The following MEI4 variants were observed in gnomAD, a reference collection of about 807,000 sequenced individuals.
The protein encoded by MEI4 is meiotic double-stranded break formation protein 4, also known as meiosis-specific protein MEI4.
In MEI4, 27 loss-of-function variants were observed where a neutral mutation model predicts 31.4. That is an observed-to-expected ratio of 0.86 (90% confidence interval 0.63 to 1.19). The LOEUF is 1.19. Ranked by LOEUF, MEI4 falls within the 50% of genes most tolerant of loss-of-function variation. The probability of loss-of-function intolerance (pLI) is 0.00; values close to 1 mark genes in which losing one functional copy is unlikely to be tolerated. For missense variants in MEI4, 329 were observed against 398.9 expected (o/e 0.82, Z 1.49); for synonymous variants, 122 against 145.4 (o/e 0.84, Z 1.16).
intron 2 of MEI4, among the ~76,000 whole-genome samples, chr6:77,753,463 A>G (rs1159860047): frequency 6.6e-6 from 1 of 152,232 alleles, no homozygotes; most frequent in Non-Finnish European, 1.5e-5. Flanking sequence ...CACTTCTCAA[A>G]AGAAGGCATT....
At chr6:77,716,324 A>G (rs186908269) in intron 2 of MEI4, among the ~76,000 whole-genome samples, 8 of 152,364 alleles carry the variant, frequency 5.3e-5, no homozygotes, top group East Asian at 1.9e-4. Flanking sequence ...TTGAGAGGTA[A>G]GAGAATATTC....
chr6:77,758,188 G>T (rs550569942), intron 2 of MEI4, among the ~76,000 whole-genome samples: 1 of 149,724 alleles, frequency 6.7e-6, no homozygotes, highest in Non-Finnish European at 1.5e-5. Flanking sequence ...GAAAGAAATA[G>T]CCACATGCAG....
At chr6:77,739,925 A>G (rs1191612343) in intron 2 of MEI4, among the ~76,000 whole-genome samples, 1 of 151,928 alleles carries the variant, frequency 6.6e-6, no homozygotes. Flanking sequence ...TAACTTTCTG[A>G]TGTGGATGTT....
chr6:77,775,520 C>A (rs1409450284), intron 3 of MEI4, among the ~76,000 whole-genome samples: 3 of 152,162 alleles, frequency 2.0e-5, no homozygotes, highest in Admixed American at 6.6e-5. Context: ...TATTTCATTC[C>A]TTTTTATGGC....
chr6:77,661,368 T>C (rs1036272625), intron 1 of MEI4, among the ~76,000 whole-genome samples: 6 of 152,154 alleles, frequency 3.9e-5, no homozygotes, highest in African/African-American at 1.2e-4. Context: ...CGAGGAATTA[T>C]GTCTGACAGA....
intron 3 of MEI4, among the ~76,000 whole-genome samples, chr6:77,791,258 A>G (rs1411741185): frequency 1.3e-5 from 2 of 152,170 alleles, no homozygotes; most frequent in Non-Finnish European, 2.9e-5. Context: ...ATTATTCACG[A>G]TAGCAAAGAC....
At chr6:77,661,931 A>G (rs1768518471) in intron 1 of MEI4, among the ~76,000 whole-genome samples, 1 of 152,158 alleles carries the variant, frequency 6.6e-6, no homozygotes, top group Non-Finnish European at 1.5e-5. Flanking sequence ...GCCTAGAGCA[A>G]TGGGATCTGA....
At chr6:77,807,613 C>A (rs1472341517) in intron 3 of MEI4, among the ~76,000 whole-genome samples, 1 of 152,098 alleles carries the variant, frequency 6.6e-6, no homozygotes, top group African/African-American at 2.4e-5. Flanking sequence ...AATCTCACTG[C>A]AGATATAGGT....
chr6:77,793,163 T>G (rs1768984270), intron 3 of MEI4, among the ~76,000 whole-genome samples: 1 of 152,138 alleles, frequency 6.6e-6, no homozygotes, highest in African/African-American at 2.4e-5. Context: ...AAAGGGAGAC[T>G]AATCACATAC....
At chr6:77,714,335 TTTA>T (rs1370409655) in intron 2 of MEI4, among the ~76,000 whole-genome samples, 1 of 152,202 alleles carries the variant, frequency 6.6e-6, no homozygotes, top group Admixed American at 6.5e-5. Context: ...CTGAACTATT[TTTA>T]TTATTTCTTT....
chr6:77,687,533 G>A, intron 1 of MEI4, among the ~76,000 whole-genome samples: 1 of 152,102 alleles, frequency 6.6e-6, no homozygotes, highest in Non-Finnish European at 1.5e-5. Flanking sequence ...TAAGGGCTCA[G>A]TTCCATCAGA....
At chr6:77,740,987 T>C (rs192205894) in intron 2 of MEI4, among the ~76,000 whole-genome samples, 4 of 152,208 alleles carry the variant, frequency 2.6e-5, no homozygotes, top group South Asian at 2.1e-4. Flanking sequence ...AATATAATTA[T>C]ATGTAAGGTA....
intron 1 of MEI4, among the ~76,000 whole-genome samples, chr6:77,665,109 T>TG (rs1440106562): frequency 2.1e-5 from 3 of 143,810 alleles, no homozygotes; most frequent in African/African-American, 5.3e-5. Flanking sequence ...GAAAAGGGGT[T>TG]GGGGCGCAGA....
At chr6:77,764,873 A>C (rs937928503) in intron 3 of MEI4, among the ~76,000 whole-genome samples, 14 of 152,224 alleles carry the variant, frequency 9.2e-5, no homozygotes, top group African/African-American at 3.4e-4. Flanking sequence ...TGTGTCAAAG[A>C]AGAAATCAAA....
intron 1 of MEI4, among the ~76,000 whole-genome samples, chr6:77,671,716 AGTTGAC>A (rs145084515): frequency 0.37 from 56,591 of 151,380 alleles, 10,723 homozygotes; most frequent in African/African-American, 0.42. Context: ...AGCCCAAGCT[AGTTGAC>A]TGTTCCCATG....
At chr6:77,697,844 C>A (rs1468032401) in intron 2 of MEI4, among the ~76,000 whole-genome samples, 8 of 152,254 alleles carry the variant, frequency 5.3e-5, no homozygotes, top group Admixed American at 2.6e-4. Flanking sequence ...GTCTCATGAT[C>A]TGTCTAATGT....
intron 2 of MEI4, among the ~76,000 whole-genome samples, chr6:77,712,779 A>G (rs1210221244): frequency 1.3e-5 from 2 of 151,866 alleles, no homozygotes; most frequent in Non-Finnish European, 2.9e-5. Flanking sequence ...AGACCATCCT[A>G]GCTAACATGG....
At chr6:77,661,323 C>T (rs1035205868) in intron 1 of MEI4, among the ~76,000 whole-genome samples, 7 of 151,876 alleles carry the variant, frequency 4.6e-5, no homozygotes, top group Admixed American at 2.6e-4. Flanking sequence ...AAGGCCGGTC[C>T]GTTATCAGAC....
intron 4 of MEI4, among the ~76,000 whole-genome samples, chr6:77,903,464 T>G (rs1288083630): frequency 6.6e-6 from 1 of 152,182 alleles, no homozygotes; most frequent in African/African-American, 2.4e-5. Flanking sequence ...ACTATGATGT[T>G]TGACAGGTTA....
Sources: gnomAD v4.1 joint callset for allele counts (sites outside exome capture counted in the v4.1 genomes callset) on GRCh38, gnomAD v4.1.1 for gene constraint, MANE v1.5 for transcripts, NCBI Gene and HGNC (gene_info 2026-07-23, HGNC 2026-07-21) for gene names.